The following PLCXD3 variants were observed in gnomAD, a reference collection of about 807,000 sequenced individuals.
The protein encoded by PLCXD3 is PI-PLC X domain-containing protein 3.
Under a neutral mutation model 25.5 loss-of-function variants are expected in PLCXD3, and 19 were observed. That is an observed-to-expected ratio of 0.75 (90% CI 0.52 to 1.09). PLCXD3 has a LOEUF of 1.09. PLCXD3 is among the 50% of genes least tolerant of loss of function. The pLI is 0.00. For synonymous variants in PLCXD3, 174 were observed against 137.6 expected (o/e 1.26, Z -1.85); for missense variants, 411 against 388.1 (o/e 1.06, Z -0.50).
intron 1 of PLCXD3, among the ~76,000 whole-genome samples, chr5:41,408,514 T>C (rs1371177563): frequency 6.6e-6 from 1 of 152,244 alleles, no homozygotes; most frequent in Non-Finnish European, 1.5e-5. Flanking sequence ...ACCTGTGTTG[T>C]TGGTTGAATA....
intron 1 of PLCXD3, among the ~76,000 whole-genome samples, chr5:41,396,243 TC>T (rs1033369141): frequency 5.9e-5 from 9 of 152,096 alleles, no homozygotes; most frequent in Admixed American, 5.9e-4. Flanking sequence ...GTGGTAGATT[TC>T]CCCCTTGCTG....
chr5:41,414,562 T>C (rs181327119), intron 1 of PLCXD3, among the ~76,000 whole-genome samples: 1 of 152,332 alleles, frequency 6.6e-6, no homozygotes, highest in East Asian at 1.9e-4. Context: ...TGTGTGTCTC[T>C]AATATCTCTG....
At chr5:41,332,623 T>C (rs1344159171) in intron 2 of PLCXD3, among the ~76,000 whole-genome samples, 1 of 152,138 alleles carries the variant, frequency 6.6e-6, no homozygotes, top group Non-Finnish European at 1.5e-5. Context: ...TAAATCATGC[T>C]GCTATAAAGA....
chr5:41,498,248 G>A (rs1179012110), intron 1 of PLCXD3, among the ~76,000 whole-genome samples: 1 of 151,084 alleles, frequency 6.6e-6, no homozygotes, highest in Non-Finnish European at 1.5e-5. Context: ...AACAACCCTA[G>A]GAATTTTTTG....
intron 2 of PLCXD3, among the ~76,000 whole-genome samples, chr5:41,351,818 C>A (rs1158180568): frequency 6.6e-6 from 1 of 152,148 alleles, no homozygotes; most frequent in African/African-American, 2.4e-5. Context: ...CCAAACAGAT[C>A]TCAGTTTAAA....
intron 1 of PLCXD3, among the ~76,000 whole-genome samples, chr5:41,503,550 C>A (rs1436797123): frequency 6.6e-6 from 1 of 152,142 alleles, no homozygotes; most frequent in Non-Finnish European, 1.5e-5. Flanking sequence ...GAATATTTAA[C>A]CATCTCCTCC....
Position 41,376,704 on chromosome 5 carries a change from A to T in PLCXD3, c.812+5122T>A, listed in dbSNP as rs539617232. Among the ~76,000 whole-genome samples the T allele has an allele frequency of 2.6e-5, 4 of 152,232 alleles. No homozygotes were observed. The East Asian group carries it at 7.7e-4, about 29-fold the overall frequency. On this transcript the variant is annotated intron_variant, in intron 2 of 2. Transcript: ENST00000377801. Reference sequence around the variant, plus strand: ...ATATCTCTCTCCTCTAAGTTACCATAGACCTTGATCTTTAATTCTCCTGTT... The same window carrying T: ...ATATCTCTCTCCTCTAAGTTACCATTGACCTTGATCTTTAATTCTCCTGTT...
At chr5:41,494,984 G>A (rs1748803450) in intron 1 of PLCXD3, among the ~76,000 whole-genome samples, 1 of 152,198 alleles carries the variant, frequency 6.6e-6, no homozygotes, top group African/African-American at 2.4e-5. Flanking sequence ...AGAATAGGAT[G>A]CTCCAGACTC....
intron 1 of PLCXD3, among the ~76,000 whole-genome samples, chr5:41,387,292 C>A (rs1745667571): frequency 6.6e-6 from 1 of 152,042 alleles, no homozygotes; most frequent in African/African-American, 2.4e-5. Flanking sequence ...TCTTGGTCAG[C>A]ACTCTGATTT....
chr5:41,407,948 T>A (rs919038540), intron 1 of PLCXD3, among the ~76,000 whole-genome samples: 1 of 152,198 alleles, frequency 6.6e-6, no homozygotes, highest in Admixed American at 6.5e-5. Flanking sequence ...ATATTCAAGA[T>A]GCTAAATTTG....
chr5:41,506,367 C>G (rs920686524), intron 1 of PLCXD3, among the ~76,000 whole-genome samples: 3 of 152,090 alleles, frequency 2.0e-5, no homozygotes, highest in Non-Finnish European at 4.4e-5. Flanking sequence ...TTCGCAAAAC[C>G]AAAAACAAAA....
intron 1 of PLCXD3, among the ~76,000 whole-genome samples, chr5:41,392,639 T>A (rs1745864700): frequency 6.6e-6 from 1 of 152,144 alleles, no homozygotes; most frequent in African/African-American, 2.4e-5. Flanking sequence ...CCTAACTGCT[T>A]AATGCTTAGA....
chr5:41,442,665 A>T (rs1264942387), intron 1 of PLCXD3, among the ~76,000 whole-genome samples: 2 of 152,232 alleles, frequency 1.3e-5, no homozygotes, highest in Non-Finnish European at 2.9e-5. Context: ...CAAGGTTAAA[A>T]ATTGTGTTGT....
At chr5:41,465,808 G>A (rs1285160008) in intron 1 of PLCXD3, among the ~76,000 whole-genome samples, 2 of 152,084 alleles carry the variant, frequency 1.3e-5, no homozygotes, top group African/African-American at 2.4e-5. Flanking sequence ...AAAAGCTGCT[G>A]TCTCAGCTCC....
intron 1 of PLCXD3, among the ~76,000 whole-genome samples, chr5:41,478,076 A>T (rs523442): frequency 6.6e-6 from 1 of 152,012 alleles, no homozygotes; most frequent in Admixed American, 6.6e-5. Flanking sequence ...TTCCACCCTC[A>T]TCTCATGATA....
chr5:41,331,120 C>G (rs1291417050), intron 2 of PLCXD3, among the ~76,000 whole-genome samples: 4 of 152,054 alleles, frequency 2.6e-5, no homozygotes, highest in Non-Finnish European at 5.9e-5. Flanking sequence ...AGAAGGAAAT[C>G]AAGGGTATTC....
intron 1 of PLCXD3, among the ~76,000 whole-genome samples, chr5:41,418,770 T>C (rs967515002): frequency 4.6e-5 from 7 of 152,176 alleles, no homozygotes; most frequent in Admixed American, 6.5e-5. Context: ...ATCCTAATTG[T>C]TTGTTATTCC....
intron 1 of PLCXD3, among the ~76,000 whole-genome samples, chr5:41,439,409 C>T (rs1413770511): frequency 6.6e-6 from 1 of 152,160 alleles, no homozygotes; most frequent in African/African-American, 2.4e-5. Context: ...TTAAAAGTTC[C>T]ATCCAATGAG....
chr5:41,492,824 C>T (rs1748735233), intron 1 of PLCXD3, among the ~76,000 whole-genome samples: 1 of 152,204 alleles, frequency 6.6e-6, no homozygotes, highest in Non-Finnish European at 1.5e-5. Context: ...TTCTAGTTTA[C>T]ATTCTTCTAA....
Sources: gnomAD v4.1 joint callset for allele counts (sites outside exome capture counted in the v4.1 genomes callset) on GRCh38, gnomAD v4.1.1 for gene constraint, MANE v1.5 for transcripts, NCBI Gene and HGNC (gene_info 2026-07-23, HGNC 2026-07-21) for gene names.